ZNF254: variants seen among roughly 807,000 people sequenced by gnomAD.
ZNF254 encodes zinc finger protein 254.
ZNF254 carries 10 observed loss-of-function variants against 12.4 expected under a neutral mutation model. The ratio of observed to expected loss-of-function variants is 0.80; its 90% confidence interval spans 0.50 to 1.36. The LOEUF (loss-of-function observed/expected upper bound fraction) is 1.36, where lower values mean the gene tolerates loss of function less well. ZNF254 is among the 40% of genes most tolerant of loss of function. ZNF254 has a pLI of 0.00. For synonymous variants in ZNF254, 305 were observed against 253.4 expected (o/e 1.20, Z -1.93); for missense variants, 996 against 763.9 (o/e 1.30, Z -3.58).
At chr19:24,068,704 TG>T (rs1010626016) in intron 2 of ZNF254, among the ~76,000 whole-genome samples, 31 of 152,320 alleles carry the variant, frequency 2.0e-4, no homozygotes, top group African/African-American at 7.5e-4. Context: ...CAAAAAAGAT[TG>T]TGACATACCT....
intron 2 of ZNF254, among the ~76,000 whole-genome samples, chr19:24,051,277 C>A (rs1193184468): frequency 6.6e-6 from 1 of 152,128 alleles, no homozygotes; most frequent in Non-Finnish European, 1.5e-5. Context: ...CCTGCCTCAG[C>A]CTCCTGAGTA....
intron 3 of ZNF254, among the ~76,000 whole-genome samples, chr19:24,122,101 CAA>C (rs1974522782): frequency 6.6e-6 from 1 of 152,108 alleles, no homozygotes; most frequent in Non-Finnish European, 1.5e-5. Flanking sequence ...AAATTTACCA[CAA>C]AATATTTTTA....
chr19:24,092,539 G>T (rs1972455836), intron 1 of ZNF254, among the ~76,000 whole-genome samples: 1 of 151,838 alleles, frequency 6.6e-6, no homozygotes, highest in Admixed American at 6.6e-5. Context: ...CCATACCTAG[G>T]TAATTTTTGT....
intron 1 of ZNF254, among the ~76,000 whole-genome samples, chr19:24,043,979 G>T (rs897355147): frequency 6.6e-6 from 1 of 152,112 alleles, no homozygotes; most frequent in South Asian, 2.1e-4. Flanking sequence ...GGTGGCTCAC[G>T]CCTGTAATCT....
chr19:24,034,825 C>T (rs1037855930), intron 1 of ZNF254, among the ~76,000 whole-genome samples: 18 of 151,528 alleles, frequency 1.2e-4, no homozygotes, highest in Admixed American at 9.2e-4. Flanking sequence ...CCTCAGTCGC[C>T]CAGGCTGGAG....
chr19:24,046,743 A>AG (rs1328118561), intron 2 of ZNF254, among the ~76,000 whole-genome samples: 1 of 151,482 alleles, frequency 6.6e-6, no homozygotes, highest in Non-Finnish European at 1.5e-5. Flanking sequence ...TCTGAACATA[A>AG]GGTCATTGCA....
intron 3 of ZNF254, among the ~76,000 whole-genome samples, chr19:24,116,827 A>G (rs7257299): frequency 0.15 from 22,900 of 151,804 alleles, 1,828 homozygotes; most frequent in Middle Eastern, 0.17. Context: ...TTGTGGTTTT[A>G]TCTACTTTTG....
chr19:24,078,827 T>G (rs1599655220), intron 2 of ZNF254: 1 of 152,174 alleles, frequency 6.6e-6, no homozygotes, highest in South Asian at 2.1e-4. Context: ...CCTGACCCAA[T>G]GCCCCCCATC....
intron 3 of ZNF254, among the ~76,000 whole-genome samples, chr19:24,110,161 G>T (rs1973580364): frequency 6.6e-6 from 1 of 152,028 alleles, no homozygotes; most frequent in African/African-American, 2.4e-5. Flanking sequence ...TGATTTGAAG[G>T]TAATTTTTAA....
At chr19:24,068,091 A>T (rs1269570337) in intron 2 of ZNF254, among the ~76,000 whole-genome samples, 1 of 152,206 alleles carries the variant, frequency 6.6e-6, no homozygotes, top group East Asian at 1.9e-4. Context: ...CTGCCCACAG[A>T]TGGCCTCGTG....
upstream of ZNF254, among the ~76,000 whole-genome samples, chr19:24,086,345 G>A (rs1231378608): frequency 2.6e-5 from 4 of 151,894 alleles, no homozygotes; most frequent in Non-Finnish European, 4.4e-5. Flanking sequence ...TCGCTCTGTC[G>A]CCCAGGCTAG....
At chr19:24,086,223 TAAAAA>T (rs563948159), upstream of ZNF254, among the ~76,000 whole-genome samples, 2 of 151,566 alleles carry the variant, frequency 1.3e-5, no homozygotes, top group East Asian at 1.9e-4. Flanking sequence ...AAATAAAAAA[TAAAAA>T]AAAGTATAAG....
intron 2 of ZNF254, among the ~76,000 whole-genome samples, chr19:24,077,486 T>A (rs1971699498): frequency 6.6e-6 from 1 of 152,246 alleles, no homozygotes; most frequent in Non-Finnish European, 1.5e-5. Flanking sequence ...GACTCTGGTT[T>A]CTTGATAGCA....
At chr19:24,087,404 G>A (rs1972092003) in intron 1 of ZNF254, 67 bp downstream of exon 1, 1 of 1,606,080 alleles carries the variant, frequency 6.2e-7, no homozygotes, top group African/African-American at 1.3e-5. Context: ...GGAAGCGGCT[G>A]TGGCGGGACT....
intron 3 of ZNF254, among the ~76,000 whole-genome samples, chr19:24,120,921 T>TA (rs1156371269): frequency 1.3e-5 from 2 of 152,052 alleles, no homozygotes; most frequent in Admixed American, 1.3e-4. Context: ...TTCTTTTTTT[T>TA]ATATGCAAAC....
At position 24,126,491 on chromosome 19, in the gene ZNF254, A is replaced by G. The variant is rs754854997; in HGVS notation, c.491A>G (p.Tyr164Cys). The change falls in exon 4 of 4, where the codon TAT becomes TGT. Residue 164 changes from tyrosine to cysteine, a missense_variant. Physicochemically the swap from Tyr to Cys is radical, Grantham distance 194. Coordinates refer to ENST00000357002, the MANE Select transcript of ZNF254 (RefSeq NM_203282.4). ...TGTGATAAATATTTGAAAGTCTTCT[A>G]TAAATTTTTAAATTCAAACAGACCT... ...FQCDKYLKVF[Y>C]KFLNSNRPKI... The G allele has an allele frequency of 1.3e-5, 21 of 1,587,086 alleles. No homozygotes were observed. Among genetic ancestry groups the G allele is most frequent in the Non-Finnish European group, 1.5e-5 (18 of 1,171,832 alleles).
chr19:24,120,676 T>C (rs1974416492), intron 3 of ZNF254, among the ~76,000 whole-genome samples: 1 of 151,984 alleles, frequency 6.6e-6, no homozygotes, highest in East Asian at 1.9e-4. Flanking sequence ...GTTGTTGTTG[T>C]TGTTGAGATG....
intron 3 of ZNF254, among the ~76,000 whole-genome samples, chr19:24,122,022 A>G (rs544705554): frequency 1.3e-5 from 2 of 152,304 alleles, no homozygotes; most frequent in South Asian, 2.1e-4. Context: ...GGATTTGAAT[A>G]TAATTTAAAA....
At chr19:24,122,019 A>ATGTGGTTT (rs1974516046) in intron 3 of ZNF254, among the ~76,000 whole-genome samples, 2 of 152,166 alleles carry the variant, frequency 1.3e-5, no homozygotes, top group South Asian at 4.1e-4. Context: ...TTTGGATTTG[A>ATGTGGTTT]ATATAATTTA....
Sources: allele counts gnomAD v4.1 joint callset (sites outside exome capture counted in the v4.1 genomes callset), GRCh38; gene constraint gnomAD v4.1.1; transcripts MANE v1.5; gene names NCBI Gene and HGNC (gene_info 2026-07-23, HGNC 2026-07-21).